ZUP1: variants seen among roughly 807,000 people sequenced by gnomAD.
ZUP1 encodes the protein zinc finger containing ubiquitin peptidase 1.
ZUP1 carries 55 observed loss-of-function variants against 68.1 expected under a neutral mutation model. That is an observed-to-expected ratio of 0.81 (90% CI 0.65 to 1.01). ZUP1 has a LOEUF of 1.01. Among genes scored for constraint, ZUP1 ranks in the 50% least tolerant of loss-of-function variants. ZUP1 has a pLI of 0.00. For synonymous variants in ZUP1, 223 were observed against 221.5 expected (o/e 1.01, Z -0.06); for missense variants, 684 against 674.9 (o/e 1.01, Z -0.15).
chr6:116,646,105 GT>G (rs1776301870), intron 8 of ZUP1, 171 bp from the exon 9 acceptor site: 1 of 437,354 alleles, frequency 2.3e-6, no homozygotes, highest in African/African-American at 2.0e-5. Context: ...TTCTACTTCA[GT>G]TTTTTCATTT....
At chr6:116,637,247 C>A (rs531005283) in intron 9 of ZUP1, among the ~76,000 whole-genome samples, 2 of 152,228 alleles carry the variant, frequency 1.3e-5, no homozygotes, top group South Asian at 4.1e-4. Context: ...CTTAGGAATA[C>A]AATTTCTCTC....
At chr6:116,654,616 A>G (rs922725100) in intron 5 of ZUP1, among the ~76,000 whole-genome samples, 14 of 152,020 alleles carry the variant, frequency 9.2e-5, no homozygotes, top group Non-Finnish European at 1.9e-4. Context: ...TAAAGGCACT[A>G]TATATAACAT....
At chr6:116,647,218 G>A (rs60553399) in intron 8 of ZUP1, among the ~76,000 whole-genome samples, 7,198 of 152,192 alleles carry the variant, frequency 0.047, 209 homozygotes, top group African/African-American at 0.087. Context: ...AATTAGCCAG[G>A]TATGGTGGCA....
chr6:116,640,833 C>T (rs9767709), intron 9 of ZUP1, among the ~76,000 whole-genome samples: 4,792 of 150,082 alleles, frequency 0.032, 222 homozygotes, highest in African/African-American at 0.1. Flanking sequence ...AATTCACACA[C>T]AACAATATTA....
intron 5 of ZUP1, among the ~76,000 whole-genome samples, chr6:116,654,002 T>C (rs1776590004): frequency 6.6e-6 from 1 of 152,030 alleles, no homozygotes; most frequent in Non-Finnish European, 1.5e-5. Flanking sequence ...GATTGCAGTA[T>C]ATAAGTGAAG....
intron 9 of ZUP1, among the ~76,000 whole-genome samples, chr6:116,644,394 G>A (rs1457730538): frequency 3.3e-5 from 5 of 152,170 alleles, no homozygotes; most frequent in African/African-American, 1.2e-4. Context: ...GCACACGTAT[G>A]TTTATTGCTG....
chr6:116,645,647 A>C (rs932532867), intron 9 of ZUP1, 67 bp downstream of exon 9: 25 of 1,254,314 alleles, frequency 2.0e-5, no homozygotes, highest in Non-Finnish European at 2.5e-5. Flanking sequence ...ACTGATTTTA[A>C]ACTAAAAGTT....
At chr6:116,653,885 G>T (rs1204332224) in intron 5 of ZUP1, among the ~76,000 whole-genome samples, 1 of 151,838 alleles carries the variant, frequency 6.6e-6, no homozygotes, top group Non-Finnish European at 1.5e-5. Context: ...GCTTTAGGGG[G>T]AAATTTCCTT....
At chr6:116,644,507 C>A (rs1336290207) in intron 9 of ZUP1, among the ~76,000 whole-genome samples, 1 of 152,008 alleles carries the variant, frequency 6.6e-6, no homozygotes, top group Non-Finnish European at 1.5e-5. Context: ...TACTATGCAG[C>A]CATAAAAAAT....
At chr6:116,661,697 A>G (rs933549525) in intron 2 of ZUP1, among the ~76,000 whole-genome samples, 2 of 152,244 alleles carry the variant, frequency 1.3e-5, no homozygotes, top group Admixed American at 6.5e-5. Flanking sequence ...GCATATACAC[A>G]GAGTGAAAGC....
At chr6:116,641,686 AG>A (rs1425537987) in intron 9 of ZUP1, among the ~76,000 whole-genome samples, 1 of 152,218 alleles carries the variant, frequency 6.6e-6, no homozygotes, top group African/African-American at 2.4e-5. Context: ...ACACATTCAA[AG>A]CAGTGTGTAG....
intron 3 of ZUP1, chr6:116,660,479 G>A (rs1776801061): frequency 3.0e-6 from 1 of 334,096 alleles, no homozygotes; most frequent in South Asian, 5.7e-5. Context: ...AGATGTTTTG[G>A]TTATATAGTT....
intron 2 of ZUP1, among the ~76,000 whole-genome samples, 181 bp downstream of exon 2, chr6:116,666,453 A>AT (rs903647342): frequency 6.6e-6 from 1 of 152,264 alleles, no homozygotes; most frequent in Admixed American, 6.5e-5. Context: ...TTATATCTGC[A>AT]TTAAAATTCT....
Position 116,666,887 on chromosome 6 carries a change from A to AT in ZUP1, c.305dup (p.Asn102LysfsTer8). The AT allele has an allele frequency of 1.2e-6, 2 of 1,611,136 alleles. No individual in the cohort carries two copies. The highest frequency in any genetic ancestry group is 1.7e-6 in the Non-Finnish European group (2 of 1,179,032). On this transcript the variant is annotated frameshift_variant, in exon 2 of 10. Coordinates refer to ENST00000368576, the MANE Select transcript of ZUP1 (RefSeq NM_145062.3). LOFTEE classifies it high-confidence loss of function. ...TATCTTTAGTCAGGTTTTGAGCTGAATTTTTTGGATGATTAGATGCACAAC... is the reference window on the plus strand; with the variant it reads ...TATCTTTAGTCAGGTTTTGAGCTGAATTTTTTTGGATGATTAGATGCACAAC...
intron 9 of ZUP1, among the ~76,000 whole-genome samples, chr6:116,642,723 C>T (rs1218589577): frequency 6.6e-6 from 1 of 152,092 alleles, no homozygotes; most frequent in African/African-American, 2.4e-5. Context: ...AACCCACAGC[C>T]AATATCATAC....
chr6:116,654,794 C>G (rs1457423788), intron 5 of ZUP1, among the ~76,000 whole-genome samples: 5 of 152,016 alleles, frequency 3.3e-5, no homozygotes, highest in African/African-American at 1.2e-4. Flanking sequence ...GAAACTAACT[C>G]AGGAGTAATC....
intron 2 of ZUP1, among the ~76,000 whole-genome samples, chr6:116,666,073 G>C (rs12530291): frequency 0.061 from 9,311 of 152,158 alleles, 395 homozygotes; most frequent in Admixed American, 0.15. Context: ...AGAACTACTA[G>C]ACAGTACTAC....
chr6:116,647,458 C>A lies in ZUP1; in HGVS notation c.1468+1G>T. On this transcript the variant is annotated splice_donor_variant, in intron 8 of 9. Transcript: ENST00000368576. LOFTEE classifies it high-confidence loss of function. The stretch of plus-strand genomic sequence containing the variant: ...CAAATATGAGTTATATTAATACTAA[C>A]CTTGATGCTGAAGATAGATAGGAGG... The A allele has an allele frequency of 6.5e-7, 1 of 1,550,074 alleles. No individual in the cohort carries two copies. Among genetic ancestry groups the A allele is most frequent in the East Asian group, 2.3e-5 (1 of 43,744 alleles).
chr6:116,649,242 GGTTAAA>G (rs1324892900), intron 7 of ZUP1, among the ~76,000 whole-genome samples: 2 of 151,972 alleles, frequency 1.3e-5, no homozygotes, highest in Non-Finnish European at 2.9e-5. Flanking sequence ...GTGATACACT[GGTTAAA>G]TAACTTAGAA....
Sources: allele counts gnomAD v4.1 joint callset (sites outside exome capture counted in the v4.1 genomes callset), GRCh38; gene constraint gnomAD v4.1.1; transcripts MANE v1.5; gene names NCBI Gene and HGNC (gene_info 2026-07-23, HGNC 2026-07-21).